Variants in KCNH8 observed in about 807,000 individuals in gnomAD.
KCNH8 encodes potassium voltage-gated channel subfamily H member 8.
KCNH8 carries 70 observed loss-of-function variants against 103.6 expected under a neutral mutation model. The observed-to-expected ratio is 0.68, with a 90% CI of 0.56 to 0.82. KCNH8 has a LOEUF of 0.82. Ranked by LOEUF, KCNH8 falls within the 40% of genes least tolerant of loss-of-function variation. The pLI is 0.00. For missense variants in KCNH8, 1,217 were observed against 1,329.9 expected, an observed-to-expected ratio of 0.92 and a Z score of 1.32; for synonymous variants, 498 against 489.4, an observed-to-expected ratio of 1.02 and a Z score of -0.23.
chr3:19,521,052 G>A (rs566943022), intron 15 of KCNH8, among the ~76,000 whole-genome samples: 3 of 151,964 alleles, frequency 2.0e-5, no homozygotes, highest in Admixed American at 6.6e-5. Flanking sequence ...GAAATAGTGC[G>A]ACTCTAAGGA....
At chr3:19,352,475 A>T (rs1049182191) in intron 5 of KCNH8, among the ~76,000 whole-genome samples, 5 of 152,200 alleles carry the variant, frequency 3.3e-5, no homozygotes, top group African/African-American at 1.2e-4. Flanking sequence ...TTGACCACAT[A>T]GTTGGAAGTA....
At chr3:19,372,591 A>G (rs555244622) in intron 5 of KCNH8, among the ~76,000 whole-genome samples, 1 of 152,264 alleles carries the variant, frequency 6.6e-6, no homozygotes, top group African/African-American at 2.4e-5. Context: ...TTCCTGATTG[A>G]ATACCGTTTA....
chr3:19,261,104 A>G (rs112813151), intron 2 of KCNH8, among the ~76,000 whole-genome samples: 4,010 of 150,694 alleles, frequency 0.027, 174 homozygotes, highest in African/African-American at 0.091. Flanking sequence ...TTTTTCTTTT[A>G]ATATATACTC....
intron 1 of KCNH8, among the ~76,000 whole-genome samples, chr3:19,244,130 A>C (rs140773332): frequency 6.6e-6 from 1 of 152,324 alleles, no homozygotes; most frequent in East Asian, 1.9e-4. Context: ...TATTTAAAAG[A>C]ATAAAATTAT....
chr3:19,249,876 A>G (rs2064253656), intron 1 of KCNH8, among the ~76,000 whole-genome samples: 1 of 152,162 alleles, frequency 6.6e-6, no homozygotes, highest in Non-Finnish European at 1.5e-5. Context: ...TGAATGATCT[A>G]CAGGTATTTA....
chr3:19,504,537 T>C (rs574040130), intron 11 of KCNH8, among the ~76,000 whole-genome samples: 2 of 151,926 alleles, frequency 1.3e-5, no homozygotes, highest in Non-Finnish European at 2.9e-5. Context: ...AACAGACACT[T>C]TTCAAAAAAA....
At chr3:19,495,101 C>T (rs1446053390) in intron 11 of KCNH8, among the ~76,000 whole-genome samples, 1 of 152,028 alleles carries the variant, frequency 6.6e-6, no homozygotes, top group Non-Finnish European at 1.5e-5. Context: ...GGATATTAGA[C>T]CTTTGTTGGA....
chr3:19,280,521 T>G (rs886793826), intron 2 of KCNH8, among the ~76,000 whole-genome samples: 2 of 152,152 alleles, frequency 1.3e-5, no homozygotes, highest in Non-Finnish European at 2.9e-5. Flanking sequence ...CTTATTGCAT[T>G]CTATTTGTGT....
At position 19,389,712 on chromosome 3, in the gene KCNH8, C is replaced by T. The variant is rs561822093; in HGVS notation, c.812-769C>T. The stretch of plus-strand genomic sequence containing the variant: ...GTGCAATCATGGCTCACTGAAGCCT[C>T]AACTTCCTGGGCTCAAGTGATTCTT... On this transcript the variant is annotated intron_variant, in intron 5 of 15. Transcript: ENST00000328405. Among the ~76,000 whole-genome samples, 87 of 152,148 alleles carry T rather than the reference C, an allele frequency of 5.7e-4. 1 individual carries two copies. The highest frequency in any genetic ancestry group is 2.0e-3 in the African/African-American group (82 of 41,520).
Position 19,513,080 on chromosome 3 carries a change from C to A in KCNH8, c.2190C>A (p.Ile730=). The A allele has an allele frequency of 6.2e-7, 1 of 1,613,806 alleles. No individual in the cohort carries two copies. The highest frequency in any genetic ancestry group is 8.5e-7 in the Non-Finnish European group (1 of 1,179,910). The change falls in exon 13 of 16, where the codon ATC becomes ATA. Residue 730 remains isoleucine, a synonymous_variant. Transcript: ENST00000328405. ...EEEEAVSLSP[I]CTRGSSSRNK... The stretch of plus-strand genomic sequence containing the variant: ...AGGAGGCAGTCTCCCTCTCTCCCAT[C>A]TGCACAAGGGGATCTTCTTCGCGCA...
At chr3:19,495,733 G>A (rs747328140) in intron 11 of KCNH8, among the ~76,000 whole-genome samples, 3 of 149,278 alleles carry the variant, frequency 2.0e-5, no homozygotes, top group Non-Finnish European at 3.0e-5. Context: ...TTTTTAAATT[G>A]CATGAAGAAT....
intron 2 of KCNH8, among the ~76,000 whole-genome samples, chr3:19,271,543 A>G (rs935966817): frequency 3.3e-5 from 5 of 152,258 alleles, no homozygotes; most frequent in South Asian, 2.1e-4. Context: ...CTAAACCATA[A>G]TTGTCCATGA....
intron 1 of KCNH8, among the ~76,000 whole-genome samples, chr3:19,162,772 A>G (rs2063246809): frequency 6.6e-6 from 1 of 152,196 alleles, no homozygotes; most frequent in Non-Finnish European, 1.5e-5. Context: ...AAATTTTTAT[A>G]TTACAAAAAT....
At chr3:19,168,071 C>T (rs1232728143) in intron 1 of KCNH8, among the ~76,000 whole-genome samples, 2 of 150,824 alleles carry the variant, frequency 1.3e-5, no homozygotes, top group African/African-American at 4.9e-5. Context: ...AGTGCAGTGG[C>T]GCGATCTTGG....
At chr3:19,347,602 A>G (rs1417000541) in intron 4 of KCNH8, 123 bp from the exon 5 acceptor site, 1 of 1,163,340 alleles carries the variant, frequency 8.6e-7, no homozygotes. Flanking sequence ...TTTAAAAGTC[A>G]CTTGTAAGAT....
intron 11 of KCNH8, among the ~76,000 whole-genome samples, chr3:19,480,918 T>C (rs370442328): frequency 4.0e-4 from 61 of 152,300 alleles, no homozygotes; most frequent in African/African-American, 1.4e-3. Flanking sequence ...GTGGTTAGGA[T>C]TGGGAGAGAA....
At chr3:19,525,455 T>C (rs929254442) in intron 15 of KCNH8, among the ~76,000 whole-genome samples, 1 of 151,906 alleles carries the variant, frequency 6.6e-6, no homozygotes, top group Non-Finnish European at 1.5e-5. Context: ...AAACTTTCAT[T>C]TGATGTTTAC....
intron 1 of KCNH8, among the ~76,000 whole-genome samples, chr3:19,177,754 C>T (rs1007523281): frequency 1.3e-5 from 2 of 152,002 alleles, no homozygotes; most frequent in Admixed American, 1.3e-4. Flanking sequence ...AATGTAGCAG[C>T]CTGCTTAAAA....
intron 11 of KCNH8, among the ~76,000 whole-genome samples, chr3:19,471,340 A>G (rs1047261159): frequency 5.9e-5 from 9 of 152,122 alleles, no homozygotes; most frequent in African/African-American, 2.2e-4. Flanking sequence ...GAATCCGCAT[A>G]CCTGCTCTAC....
Sources: gnomAD v4.1 joint callset for allele counts (sites outside exome capture counted in the v4.1 genomes callset) on GRCh38, gnomAD v4.1.1 for gene constraint, MANE v1.5 for transcripts, NCBI Gene and HGNC (gene_info 2026-07-23, HGNC 2026-07-21) for gene names.